Variants in CFLAR observed in about 807,000 individuals in gnomAD.
CFLAR encodes the protein CASP8 and FADD-like apoptosis regulator.
CFLAR carries 14 observed loss-of-function variants against 51.1 expected under a neutral mutation model. The ratio of observed to expected loss-of-function variants is 0.27; its 90% confidence interval spans 0.18 to 0.43. CFLAR has a LOEUF of 0.43. Among genes scored for constraint, CFLAR ranks in the 20% least tolerant of loss-of-function variants. The probability of loss-of-function intolerance (pLI) is 1.00; values close to 1 mark genes in which losing one functional copy is unlikely to be tolerated. For synonymous variants in CFLAR, 210 were observed against 211.6 expected, an observed-to-expected ratio of 0.99 and a Z score of 0.06; for missense variants, 390 against 566.5, an observed-to-expected ratio of 0.69 and a Z score of 3.16.
At chr2:201,126,200 G>T (rs941084247) in intron 1 of CFLAR, among the ~76,000 whole-genome samples, 13 of 151,630 alleles carry the variant, frequency 8.6e-5, no homozygotes, top group Admixed American at 1.3e-4. Context: ...GGGAGGGGGG[G>T]GTCTAGTTAA....
chr2:201,151,373 A>T (rs1434329231), intron 8 of CFLAR: 1 of 152,220 alleles, frequency 6.6e-6, no homozygotes, highest in African/African-American at 2.4e-5. Flanking sequence ...GAGCTTCTCA[A>T]CATTCTCTTA....
intron 1 of CFLAR, chr2:201,117,161 C>T (rs761277929): frequency 1.3e-5 from 2 of 152,150 alleles, no homozygotes; most frequent in Non-Finnish European, 2.9e-5. Context: ...GGTTATTTTC[C>T]AGAGCAGTTT....
chr2:201,130,989 C>T (rs1169407374), intron 2 of CFLAR, among the ~76,000 whole-genome samples: 1 of 152,190 alleles, frequency 6.6e-6, no homozygotes, highest in Non-Finnish European at 1.5e-5. Flanking sequence ...GGGTGGGCTC[C>T]CTTCCTGCAC....
Position 201,160,634 on chromosome 2 carries a change from C to T in CFLAR, c.996C>T (p.Pro332=). The T allele has an allele frequency of 6.2e-7, 1 of 1,613,976 alleles. No homozygotes were observed. Among genetic ancestry groups the T allele is most frequent in the Non-Finnish European group, 8.5e-7 (1 of 1,179,984 alleles). The change falls in exon 9 of 10, where the codon CCC becomes CCT. Residue 332 remains proline, a synonymous_variant. Coordinates refer to ENST00000309955, the MANE Select transcript of CFLAR (RefSeq NM_003879.7). The stretch of plus-strand genomic sequence containing the variant: ...TGGATCAGACTCACTCAGGGCTCCC[C>T]CTGCATCACATCAGGAGGATGTTCA... ...YGVDQTHSGL[P]LHHIRRMFMG... is the part of the protein sequence containing the mutation.
chr2:201,158,693 G>A (rs113719013), intron 8 of CFLAR, among the ~76,000 whole-genome samples: 2 of 152,166 alleles, frequency 1.3e-5, no homozygotes, highest in Non-Finnish European at 2.9e-5. Flanking sequence ...GGGACAGTGC[G>A]TCCAGGCCTC....
Position 201,172,074 on chromosome 2 carries a change from C to T in CFLAR, c.*8101C>T, listed in dbSNP as rs1944055706. 1 of 152,190 alleles carries T rather than the reference C, an allele frequency of 6.6e-6. No homozygotes were observed. The highest frequency in any genetic ancestry group is 6.5e-5 in the Admixed American group (1 of 15,274). The allele number at this position is 152,190 out of a possible 1,614,324, so 9.4% of individuals were successfully genotyped here. On this transcript the variant is annotated 3_prime_UTR_variant, in exon 10 of 10. Transcript: ENST00000309955. ...GTGAATCTCCTCCAAGCCTTCTTTTCATTTTATATCTCATGCTGTAATTCT... is the reference window on the plus strand; with the variant it reads ...GTGAATCTCCTCCAAGCCTTCTTTTTATTTTATATCTCATGCTGTAATTCT...
At chr2:201,122,721 A>T (rs2048307790) in intron 1 of CFLAR, 1 of 152,274 alleles carries the variant, frequency 6.6e-6, no homozygotes, top group African/African-American at 2.4e-5. Flanking sequence ...TAGAAGAGAC[A>T]TCTTGAGAGA....
chr2:201,137,810 C>T (rs1196493195), intron 4 of CFLAR: 3 of 1,197,632 alleles, frequency 2.5e-6, no homozygotes, highest in African/African-American at 1.5e-5. Flanking sequence ...CCATGGCATC[C>T]AGTGAGCCCA....
At chr2:201,144,535 G>C (rs760664289) in intron 5 of CFLAR, among the ~76,000 whole-genome samples, 1 of 152,174 alleles carries the variant, frequency 6.6e-6, no homozygotes, top group Non-Finnish European at 1.5e-5. Context: ...AATCTGTAAG[G>C]TATCTATTAT....
chr2:201,161,892 G>A (rs964425029), intron 9 of CFLAR, among the ~76,000 whole-genome samples: 1 of 151,530 alleles, frequency 6.6e-6, no homozygotes, highest in African/African-American at 2.4e-5. Context: ...GATTACAGGC[G>A]TCCGCCATCA....
chr2:201,152,951 T>C (rs59743803), intron 8 of CFLAR: 38,248 of 152,220 alleles, frequency 0.25, 5,671 homozygotes, highest in African/African-American at 0.41. Context: ...TGCCCCATGG[T>C]TGCGGATGTA....
At chr2:201,156,421 C>T (rs1033167143) in intron 8 of CFLAR, among the ~76,000 whole-genome samples, 1 of 152,238 alleles carries the variant, frequency 6.6e-6, no homozygotes, top group Admixed American at 6.5e-5. Context: ...TAGCAGTTAA[C>T]ACTGGGCTTA....
intron 9 of CFLAR, chr2:201,163,409 G>A (rs867640340): frequency 1.8e-6 from 2 of 1,136,244 alleles, no homozygotes; most frequent in Middle Eastern, 7.9e-4. Context: ...TGCATTCTGG[G>A]CTGTACCTCT....
At chr2:201,143,519 AG>A (rs1280925208) in intron 5 of CFLAR, 2 of 152,236 alleles carry the variant, frequency 1.3e-5, no homozygotes, top group Non-Finnish European at 2.9e-5. Flanking sequence ...TCATTCATTT[AG>A]TAAGCAGGCA....
At chr2:201,125,767 T>C (rs1414569801) in intron 1 of CFLAR, among the ~76,000 whole-genome samples, 1 of 152,086 alleles carries the variant, frequency 6.6e-6, no homozygotes, top group Non-Finnish European at 1.5e-5. Context: ...GGGGCCCAGC[T>C]CAGGAAACCA....
intron 4 of CFLAR, chr2:201,136,634 C>G: frequency 7.2e-7 from 1 of 1,395,278 alleles, no homozygotes; most frequent in South Asian, 1.5e-5. Context: ...GTCTTTTAGA[C>G]TCAGCCTCAG....
chr2:201,147,549 A>G (rs1272685986), intron 6 of CFLAR, among the ~76,000 whole-genome samples: 1 of 145,024 alleles, frequency 6.9e-6, no homozygotes, highest in Non-Finnish European at 1.5e-5. Flanking sequence ...AAAGCTTTCT[A>G]ATAACTTGGG....
chr2:201,117,311 A>T (rs2047702519), intron 1 of CFLAR, among the ~76,000 whole-genome samples: 1 of 152,212 alleles, frequency 6.6e-6, no homozygotes, highest in African/African-American at 2.4e-5. Context: ...TGGGAAATGT[A>T]AACTGGCTTC....
chr2:201,150,047 G>A (rs1366136182), intron 8 of CFLAR: 1 of 371,814 alleles, frequency 2.7e-6, no homozygotes, highest in Non-Finnish European at 4.9e-6. Context: ...AAAATTAGCT[G>A]GTGTGGGCTC....
Sources: gnomAD v4.1 joint callset for allele counts (sites outside exome capture counted in the v4.1 genomes callset) on GRCh38, gnomAD v4.1.1 for gene constraint, MANE v1.5 for transcripts, NCBI Gene and HGNC (gene_info 2026-07-23, HGNC 2026-07-21) for gene names.